The following DDX60L variants were observed in gnomAD, a reference collection of about 807,000 sequenced individuals.
DDX60L encodes the protein probable ATP-dependent RNA helicase DDX60-like.
Under a neutral mutation model 211.6 loss-of-function variants are expected in DDX60L, and 191 were observed. That is an observed-to-expected ratio of 0.90 (90% confidence interval 0.80 to 1.02). DDX60L has a LOEUF of 1.02. Ranked by LOEUF, DDX60L falls within the 50% of genes least tolerant of loss-of-function variation. DDX60L has a pLI of 0.00. For missense variants in DDX60L, 2,007 were observed against 1,984.1 expected (o/e 1.01, Z -0.22); for synonymous variants, 706 against 694.1 (o/e 1.02, Z -0.27).
intron 17 of DDX60L, among the ~76,000 whole-genome samples, chr4:168,421,382 G>A (rs532371168): frequency 1.7e-4 from 26 of 152,222 alleles, no homozygotes; most frequent in African/African-American, 5.1e-4. Flanking sequence ...TTTCTTGGCC[G>A]GGCACGGTGG....
intron 35 of DDX60L, among the ~76,000 whole-genome samples, chr4:168,372,755 TCGAGGGAAGGGGAGG>T (rs1190254978): frequency 1.5e-5 from 2 of 130,592 alleles, no homozygotes; most frequent in Non-Finnish European, 3.2e-5. Flanking sequence ...GGGAGGGGAG[TCGAGGGAAGGGGAGG>T]GGAGGGAAGG....
intron 26 of DDX60L, among the ~76,000 whole-genome samples, chr4:168,398,477 G>T (rs1299051836): frequency 1.3e-5 from 2 of 152,214 alleles, no homozygotes; most frequent in Non-Finnish European, 1.5e-5. Flanking sequence ...AAGAGCCTGG[G>T]TGCCATGAAC....
chr4:168,447,948 C>T (rs1215191373), intron 9 of DDX60L, among the ~76,000 whole-genome samples: 3 of 150,276 alleles, frequency 2.0e-5, no homozygotes, highest in African/African-American at 7.3e-5. Context: ...TTAGTGGGTG[C>T]AGCGCACCAG....
At position 168,356,985 on chromosome 4, in the gene DDX60L, C is replaced by A. The variant is rs939628380; in HGVS notation, c.*1162G>T. On this transcript the variant is annotated 3_prime_UTR_variant, in exon 38 of 38. Transcript: ENST00000682922. ...GAAACTTTTTTCTCCTTCAGAGTAC[C>A]GTATTCATTTATCACAGCAAAAACG... 1.3e-5 allele frequency: 2 copies of A among 152,090 alleles called. No individual in the cohort carries two copies. Among genetic ancestry groups the A allele is most frequent in the Non-Finnish European group, 2.9e-5 (2 of 68,028 alleles). 9.4% of individuals were successfully genotyped at this position (152,090 alleles called of 1,614,324 possible).
intron 36 of DDX60L, among the ~76,000 whole-genome samples, chr4:168,367,769 G>C (rs1740248577): frequency 6.6e-6 from 1 of 152,212 alleles, no homozygotes; most frequent in Admixed American, 6.5e-5. Context: ...GTCTCAGATG[G>C]AAATGAGGAA....
In DDX60L at chr4:168,461,695, T is replaced by C; in HGVS notation, c.606+4A>G. On this transcript the variant is annotated splice_donor_region_variant and intron_variant, in intron 5 of 37. Transcript: ENST00000682922. ...GAAAAAAATGAGTTATTAATGTCAA[T>C]TACCTCCTTGGAAAAAGTTTGGTTT... 3.3e-6 allele frequency: 5 copies of C among 1,515,318 alleles called. No individual in the cohort carries two copies. Among genetic ancestry groups the C allele is most frequent in the Non-Finnish European group, 4.4e-6 (5 of 1,129,006 alleles). The allele number at this position is 1,515,318 out of a possible 1,614,324, so 93.9% of individuals were successfully genotyped here.
In DDX60L at chr4:168,471,693, C is replaced by T. The variant is rs1488586460; in HGVS notation, c.264+54G>A. On this transcript the variant is annotated intron_variant, in intron 4 of 37. Coordinates refer to ENST00000682922, the MANE Select transcript of DDX60L (RefSeq NM_001012967.3). ...AGGTCAAAGGCTCTTTAGGTTAAGA[C>T]ATTTCAGTTATAGTCTTCAAAGGAC... 9 of 1,398,686 alleles carry T rather than the reference C, an allele frequency of 6.4e-6. No homozygotes were observed. In the Admixed American group the frequency reaches 7.4e-5, roughly 12 times the overall value. 86.6% of individuals were successfully genotyped at this position (1,398,686 alleles called of 1,614,324 possible).
chr4:168,448,917 A>T (rs1469695070), intron 8 of DDX60L, 138 bp from the exon 9 acceptor site: 9 of 746,344 alleles, frequency 1.2e-5, no homozygotes, highest in African/African-American at 3.5e-5. Flanking sequence ...AATATTACAG[A>T]TGGTGATCTA....
intron 5 of DDX60L, 29 bp downstream of exon 5, chr4:168,461,670 G>C: frequency 7.5e-7 from 1 of 1,328,718 alleles, no homozygotes; most frequent in East Asian, 2.6e-5. Flanking sequence ...AAGAAATCAG[G>C]AAAAAAATGA....
intron 8 of DDX60L, among the ~76,000 whole-genome samples, chr4:168,449,652 CAA>C: frequency 1.3e-4 from 1 of 7,934 alleles, no homozygotes; most frequent in African/African-American, 6.1e-4. Flanking sequence ...AAAAAAAATG[CAA>C]AAAAAAAAAA....
At position 168,404,111 on chromosome 4, in the gene DDX60L, A is replaced by G; in HGVS notation, c.3214-5T>C. Reference sequence around the variant, plus strand: ...GTTCTTCAGTACTCTTTTGACCTACAACAGTAAGTAAAAATTATTTAAAAA... The same window carrying G: ...GTTCTTCAGTACTCTTTTGACCTACGACAGTAAGTAAAAATTATTTAAAAA... On this transcript the variant is annotated splice_polypyrimidine_tract_variant and splice_region_variant and intron_variant, in intron 24 of 37. Coordinates refer to ENST00000682922, the MANE Select transcript of DDX60L (RefSeq NM_001012967.3). The G allele has an allele frequency of 7.6e-7, 1 of 1,319,358 alleles. No individual in the cohort carries two copies. Among genetic ancestry groups the G allele is most frequent in the Non-Finnish European group, 9.8e-7 (1 of 1,019,640 alleles). The allele number at this position is 1,319,358 out of a possible 1,614,324, so 81.7% of individuals were successfully genotyped here.
rs565505352 is a variant in DDX60L, at chr4:168,406,587, T to C, written c.3084+15A>G. 3.3e-6 allele frequency: 5 copies of C among 1,531,464 alleles called. No individual in the cohort carries two copies. The highest frequency in any genetic ancestry group is 3.6e-6 in the Non-Finnish European group (4 of 1,123,362). 94.9% of individuals were successfully genotyped at this position (1,531,464 alleles called of 1,614,324 possible). On this transcript the variant is annotated intron_variant, in intron 23 of 37. Coordinates refer to ENST00000682922, the MANE Select transcript of DDX60L (RefSeq NM_001012967.3). ...ACTAAAGTTCATTTTGGTGAATATA[T>C]ATTTCTATATTTACCTGAGCCCTGG...
chr4:168,378,356 T>C lies in DDX60L; in HGVS notation c.4483A>G (p.Lys1495Glu), dbSNP rs780007785. ...QNANLSFSQS[K>E]VILAELPEDF... ...ATTGTAAGTATAACAAACTTTACCTTTGACTGAGAAAAACTTAAATTAGCA... is the reference window on the plus strand; with the variant it reads ...ATTGTAAGTATAACAAACTTTACCTCTGACTGAGAAAAACTTAAATTAGCA... Residue 1495 changes from lysine (K) to glutamate (E), a missense_variant and splice_region_variant, in exon 33 of 38, where the codon AAG becomes GAG. Lys to Glu is a moderately conservative substitution (Grantham distance 56). Transcript: ENST00000682922. The C allele has an allele frequency of 7.1e-7, 1 of 1,402,962 alleles. No homozygotes were observed. The highest frequency in any genetic ancestry group is 1.3e-5 in the South Asian group (1 of 78,688). 86.9% of individuals were successfully genotyped at this position (1,402,962 alleles called of 1,614,324 possible).
At position 168,427,206 on chromosome 4, in the gene DDX60L, C is replaced by T. The variant is rs781061464; in HGVS notation, c.1794G>A (p.Lys598=). The T allele has an allele frequency of 1.9e-6, 3 of 1,613,308 alleles. No individual in the cohort carries two copies. The South Asian group carries it at 3.3e-5, about 18-fold the overall frequency. The change falls in exon 14 of 38, where the codon AAG becomes AAA. Residue 598 remains lysine (K), a synonymous_variant. Transcript: ENST00000682922. ...TCCTTATTCCAGAATGTAAATTGTT[C>T]TTCATCTCCTCTTCAATAGAAAACA... ...DLLFSIEEEM[K]NNLHSGIRKL...
intron 13 of DDX60L, among the ~76,000 whole-genome samples, chr4:168,428,565 T>A (rs1311080131): frequency 6.6e-6 from 1 of 152,150 alleles, no homozygotes; most frequent in Non-Finnish European, 1.5e-5. Context: ...CCTACTCCAG[T>A]TAGGGTAAGG....
chr4:168,476,704 C>T (rs1430036154), intron 1 of DDX60L, among the ~76,000 whole-genome samples: 1 of 152,092 alleles, frequency 6.6e-6, no homozygotes, highest in African/African-American at 2.4e-5. Flanking sequence ...ATCAACTATC[C>T]ACTAAAATTC....
intron 22 of DDX60L, among the ~76,000 whole-genome samples, 187 bp downstream of exon 22, chr4:168,415,221 A>G (rs926261142): frequency 6.6e-6 from 1 of 152,102 alleles, no homozygotes; most frequent in African/African-American, 2.4e-5. Context: ...CAGCTACTTT[A>G]GATGCCCACA....
intron 36 of DDX60L, among the ~76,000 whole-genome samples, chr4:168,371,085 T>G (rs1740930982): frequency 6.7e-6 from 1 of 150,150 alleles, no homozygotes. Flanking sequence ...AAAGATTTAT[T>G]TCATTAAAAA....
intron 29 of DDX60L, among the ~76,000 whole-genome samples, chr4:168,387,388 C>A (rs1744088730): frequency 2.0e-5 from 3 of 152,184 alleles, no homozygotes; most frequent in South Asian, 4.1e-4. Context: ...TTCAACCAAT[C>A]AGAAAGGAAG....
Sources: gnomAD v4.1 joint callset for allele counts (sites outside exome capture counted in the v4.1 genomes callset) on GRCh38, gnomAD v4.1.1 for gene constraint, MANE v1.5 for transcripts, NCBI Gene and HGNC (gene_info 2026-07-23, HGNC 2026-07-21) for gene names.